ARL8B: variants seen among roughly 807,000 people sequenced by gnomAD.
ARL8B encodes the protein ARF like GTPase 8B.
ARL8B carries 9 observed loss-of-function variants against 30.6 expected under a neutral mutation model. The ratio of observed to expected loss-of-function variants is 0.29; its 90% confidence interval spans 0.18 to 0.51. The LOEUF (loss-of-function observed/expected upper bound fraction) is 0.51, where lower values mean the gene tolerates loss of function less well. ARL8B is among the 20% of genes least tolerant of loss of function. ARL8B has a pLI of 0.97. For missense variants in ARL8B, 130 were observed against 227.2 expected (o/e 0.57, Z 2.75); for synonymous variants, 74 against 76.0 (o/e 0.97, Z 0.14).
Position 5,122,314 on chromosome 3 carries a change from G to T in ARL8B, c.-152G>T, listed in dbSNP as rs574232525. ...GTCATATGATCCGCTCGGCTTCCTG[G>T]GTCTGGCTGCTGCCGCCCGCCGGTG... On this transcript the variant is annotated 5_prime_UTR_variant, in exon 1 of 7. Transcript: ENST00000256496. The T allele has an allele frequency of 4.9e-5, 74 of 1,518,652 alleles. No individual in the cohort carries two copies. In the East Asian group the frequency reaches 1.1e-3, roughly 24 times the overall value. The allele number at this position is 1,518,652 out of a possible 1,614,324, so 94.1% of individuals were successfully genotyped here.
chr3:5,157,215 G>T lies in ARL8B; in HGVS notation c.124-13288G>T, dbSNP rs566080710. On this transcript the variant is annotated intron_variant, in intron 1 of 6. Coordinates refer to ENST00000256496, the MANE Select transcript of ARL8B (RefSeq NM_018184.3). Reference sequence around the variant, plus strand: ...GGGTCAACCAGGCACTTGGGTGGTGGTCTACCTTATAGTTTAGTTCTCAAA... The same window carrying T: ...GGGTCAACCAGGCACTTGGGTGGTGTTCTACCTTATAGTTTAGTTCTCAAA... 4.5e-4 allele frequency among the ~76,000 whole-genome samples: 69 copies of T among 152,300 alleles called. 1 individual carries two copies. The highest frequency in any genetic ancestry group is 1.4e-3 in the African/African-American group (59 of 41,570).
At position 5,179,660 on chromosome 3, in the gene ARL8B, T is replaced by TA. The variant is rs1269556378; in HGVS notation, c.*947_*948insA. 1 of 152,660 alleles carries TA rather than the reference T, an allele frequency of 6.6e-6. No individual in the cohort carries two copies. The highest frequency in any genetic ancestry group is 1.5e-5 in the Non-Finnish European group (1 of 68,034). The allele number at this position is 152,660 out of a possible 1,614,324, so 9.5% of individuals were successfully genotyped here. A position where few individuals can be genotyped will look rare whatever the true frequency, so the allele number is the denominator to read the frequency against. On this transcript the variant is annotated 3_prime_UTR_variant, in exon 7 of 7. Coordinates refer to ENST00000256496, the MANE Select transcript of ARL8B (RefSeq NM_018184.3). ...CATGACACTCTTAACTCCTGACTTTTTATATCCAGTCATAAAGTTGACTTT... is the reference window on the plus strand; with the variant it reads ...CATGACACTCTTAACTCCTGACTTTTATATATCCAGTCATAAAGTTGACTTT...
intron 1 of ARL8B, among the ~76,000 whole-genome samples, chr3:5,127,188 A>T (rs1438607853): frequency 6.6e-6 from 1 of 152,226 alleles, no homozygotes; most frequent in Non-Finnish European, 1.5e-5. Context: ...TAGCAGATCC[A>T]GTGAGGTTAA....
rs147995784 is a variant in ARL8B, at chr3:5,152,748, A to G, written c.124-17755A>G. The stretch of plus-strand genomic sequence containing the variant: ...TGATCCTCCTTCCTAGGCCTCTGAA[A>G]GTGCTGGAATTACAGGCATGAGCCA... On this transcript the variant is annotated intron_variant, in intron 1 of 6. Coordinates refer to ENST00000256496, the MANE Select transcript of ARL8B (RefSeq NM_018184.3). 3.4e-3 allele frequency among the ~76,000 whole-genome samples: 520 copies of G among 152,328 alleles called. 5 individuals are homozygous for G. Among genetic ancestry groups the G allele is most frequent in the Middle Eastern group, 0.02 (6 of 294 alleles).
Position 5,126,817 on chromosome 3 carries a change from A to G in ARL8B, c.123+4229A>G, listed in dbSNP as rs796651752. 3.3e-5 allele frequency among the ~76,000 whole-genome samples: 5 copies of G among 152,324 alleles called. No individual in the cohort carries two copies. The East Asian group carries it at 5.8e-4, about 18-fold the overall frequency. On this transcript the variant is annotated intron_variant, in intron 1 of 6. Coordinates refer to ENST00000256496, the MANE Select transcript of ARL8B (RefSeq NM_018184.3). ...TCCATTGCTAACTGTTCTGGCAGTT[A>G]TTGCACAATAAGTCATGTGCCTATA...
At chr3:5,157,853 T>C (rs2054546088) in intron 1 of ARL8B, 1 of 152,228 alleles carries the variant, frequency 6.6e-6, no homozygotes, top group African/African-American at 2.4e-5. Flanking sequence ...GTATCCAGAC[T>C]GGAAGATTGG....
intron 1 of ARL8B, among the ~76,000 whole-genome samples, chr3:5,146,738 C>T (rs1175629894): frequency 6.6e-6 from 1 of 152,158 alleles, no homozygotes; most frequent in Non-Finnish European, 1.5e-5. Flanking sequence ...TAAGAGTGAC[C>T]TCTCAGTTCG....
chr3:5,167,582 T>C (rs2054635173), intron 1 of ARL8B, among the ~76,000 whole-genome samples: 1 of 152,204 alleles, frequency 6.6e-6, no homozygotes, highest in Non-Finnish European at 1.5e-5. Context: ...AACTCATAAT[T>C]ATCCAGATCT....
chr3:5,145,050 G>GT (rs2054406690), intron 1 of ARL8B, among the ~76,000 whole-genome samples: 1 of 151,692 alleles, frequency 6.6e-6, no homozygotes. Flanking sequence ...CATAAGGAGT[G>GT]TTTATTTCCA....
At chr3:5,124,666 C>T (rs551014533) in intron 1 of ARL8B, among the ~76,000 whole-genome samples, 2 of 152,080 alleles carry the variant, frequency 1.3e-5, no homozygotes, top group East Asian at 3.9e-4. Context: ...TTTATAAAGA[C>T]GGGCTCTTGC....
chr3:5,173,712 CTCAA>C (rs1483903588), intron 4 of ARL8B, among the ~76,000 whole-genome samples: 6 of 141,798 alleles, frequency 4.2e-5, no homozygotes, highest in Non-Finnish European at 6.2e-5. Flanking sequence ...GAGACTCTGT[CTCAA>C]ACAAACAAAC....
intron 1 of ARL8B, among the ~76,000 whole-genome samples, chr3:5,136,766 A>G (rs2054329168): frequency 6.8e-6 from 1 of 147,390 alleles, no homozygotes; most frequent in South Asian, 2.1e-4. Context: ...TGATGGAGAG[A>G]CTGAGACGCC....
intron 1 of ARL8B, among the ~76,000 whole-genome samples, chr3:5,158,843 T>C (rs1255749609): frequency 6.6e-6 from 1 of 152,234 alleles, no homozygotes; most frequent in East Asian, 1.9e-4. Context: ...CTTTAATAGG[T>C]CTTGATAAAG....
chr3:5,150,561 T>A (rs959451010), intron 1 of ARL8B, among the ~76,000 whole-genome samples: 3 of 151,988 alleles, frequency 2.0e-5, no homozygotes, highest in Non-Finnish European at 4.4e-5. Flanking sequence ...GGTGGGCAGA[T>A]CACTTGAGGT....
chr3:5,164,025 C>G (rs948255384), intron 1 of ARL8B, among the ~76,000 whole-genome samples: 1 of 152,164 alleles, frequency 6.6e-6, no homozygotes, highest in African/African-American at 2.4e-5. Flanking sequence ...CCAGGACCCC[C>G]TCTGTATATC....
intron 1 of ARL8B, among the ~76,000 whole-genome samples, chr3:5,137,073 T>A (rs1250331385): frequency 6.6e-6 from 1 of 152,180 alleles, no homozygotes; most frequent in Non-Finnish European, 1.5e-5. Flanking sequence ...GGGTAATGTT[T>A]AAGTATGTGG....
In ARL8B at chr3:5,122,668, G is replaced by GC. The variant is rs933564815; in HGVS notation, c.123+86dup. 4.9e-5 allele frequency: 72 copies of GC among 1,471,418 alleles called. No individual in the cohort carries two copies. The South Asian group carries it at 8.5e-4, about 17-fold the overall frequency. 91.1% of individuals were successfully genotyped at this position (1,471,418 alleles called of 1,614,324 possible). On this transcript the variant is annotated intron_variant, in intron 1 of 6. Transcript: ENST00000256496. The stretch of plus-strand genomic sequence containing the variant: ...GCGCTTCTCCAAGGCCTGAGTTGGG[G>GC]CCCCCCTCGGCGCGATGGGACTGAT...
chr3:5,137,041 T>TTAAATAGAGTAAAACAG (rs1370784637), intron 1 of ARL8B, among the ~76,000 whole-genome samples: 19 of 152,182 alleles, frequency 1.2e-4, no homozygotes, highest in African/African-American at 4.3e-4. Flanking sequence ...AATTGTTGAC[T>TTAAATAGAGTAAAACAG]TAAATAGAGT....
intron 1 of ARL8B, among the ~76,000 whole-genome samples, chr3:5,127,626 G>C (rs1264134711): frequency 6.6e-6 from 1 of 152,124 alleles, no homozygotes; most frequent in East Asian, 1.9e-4. Flanking sequence ...GCATTACTGA[G>C]TTGTTGAACT....
Sources: gnomAD v4.1 joint callset for allele counts (sites outside exome capture counted in the v4.1 genomes callset) on GRCh38, gnomAD v4.1.1 for gene constraint, MANE v1.5 for transcripts, NCBI Gene and HGNC (gene_info 2026-07-23, HGNC 2026-07-21) for gene names.